PCDH7: variants seen among roughly 807,000 people sequenced by gnomAD.
The protein encoded by PCDH7 is protocadherin 7, also known as protocadherin-7.
In PCDH7, 17 loss-of-function variants were observed where a neutral mutation model predicts 58.9. The observed-to-expected ratio is 0.29, with a 90% CI of 0.20 to 0.43. PCDH7 has a LOEUF of 0.43. PCDH7 is among the 20% of genes least tolerant of loss of function. The pLI is 1.00. For synonymous variants in PCDH7, 664 were observed against 616.4 expected, an observed-to-expected ratio of 1.08 and a Z score of -1.14; for missense variants, 1,274 against 1,441.0, an observed-to-expected ratio of 0.88 and a Z score of 1.88.
intron 2 of PCDH7, among the ~76,000 whole-genome samples, chr4:30,929,529 G>A (rs1744300387): frequency 6.6e-6 from 1 of 151,810 alleles, no homozygotes; most frequent in Admixed American, 6.6e-5. Flanking sequence ...TGCCTCCTCT[G>A]GAACAGAGTT....
At chr4:30,855,151 C>T (rs1560438557) in intron 1 of PCDH7, among the ~76,000 whole-genome samples, 1 of 152,150 alleles carries the variant, frequency 6.6e-6, no homozygotes, top group Non-Finnish European at 1.5e-5. Flanking sequence ...GGAAGCCACA[C>T]ATTGGTGAAG....
chr4:30,819,566 T>A (rs1728110611), intron 1 of PCDH7, among the ~76,000 whole-genome samples: 1 of 152,184 alleles, frequency 6.6e-6, no homozygotes, highest in African/African-American at 2.4e-5. Flanking sequence ...ACAAATTAAA[T>A]GATTCATCTT....
At chr4:30,994,440 T>G (rs1239316936) in intron 3 of PCDH7, among the ~76,000 whole-genome samples, 1 of 152,224 alleles carries the variant, frequency 6.6e-6, no homozygotes, top group African/African-American at 2.4e-5. Flanking sequence ...CAAATTCATT[T>G]TATCTTCGTT....
chr4:30,746,768 G>A (rs1717832212), intron 1 of PCDH7, among the ~76,000 whole-genome samples: 1 of 152,052 alleles, frequency 6.6e-6, no homozygotes, highest in Non-Finnish European at 1.5e-5. Context: ...CTCTCACAAT[G>A]GTTATTTTAA....
At position 31,082,115 on chromosome 4, in the gene PCDH7, C is replaced by T. The variant is rs139320072; in HGVS notation, c.*8-60358C>T. ...TAAAAAATTTCTAACTGAAAGTACA[C>T]TTATGGAAGCTCAGAAAACAGGCAC... On this transcript the variant is annotated intron_variant, in intron 3 of 3. Transcript: ENST00000509759. Among the ~76,000 whole-genome samples, 1,346 of 152,250 alleles carry T rather than the reference C, an allele frequency of 8.8e-3. 8 individuals are homozygous for T. Among genetic ancestry groups the T allele is most frequent in the Admixed American group, 0.018 (271 of 15,290 alleles).
chr4:30,868,744 C>A (rs996351157), intron 1 of PCDH7, among the ~76,000 whole-genome samples: 1 of 151,938 alleles, frequency 6.6e-6, no homozygotes, highest in African/African-American at 2.4e-5. Flanking sequence ...GCAATTTGTT[C>A]TTTTACTGAA....
Position 30,721,039 on chromosome 4 carries a change from A to C in PCDH7, c.-384A>C. ...GGCCCCTTCCGACAGAGCGGGGACT[A>C]GAGCCGGGGATTCTCCGCCCGCTGA... On this transcript the variant is annotated 5_prime_UTR_variant, in exon 1 of 2. Coordinates refer to ENST00000361762, the Ensembl canonical transcript of PCDH7. The surrounding 1 kb of genome is among the most constrained non-coding windows in gnomAD (Gnocchi z 6.7). 4.8e-6 allele frequency: 1 copy of C among 208,630 alleles called. No individual in the cohort carries two copies. The highest frequency in any genetic ancestry group is 2.3e-5 in the African/African-American group (1 of 43,196). The allele number at this position is 208,630 out of a possible 1,614,324, so 12.9% of individuals were successfully genotyped here.
At chr4:30,985,509 C>T (rs1301652897) in intron 3 of PCDH7, among the ~76,000 whole-genome samples, 1 of 152,066 alleles carries the variant, frequency 6.6e-6, no homozygotes, top group Non-Finnish European at 1.5e-5. Context: ...TCAGTGGTGA[C>T]TATGCAGTCA....
chr4:30,868,519 C>G (rs1735155814), intron 1 of PCDH7, among the ~76,000 whole-genome samples: 1 of 152,018 alleles, frequency 6.6e-6, no homozygotes, highest in Non-Finnish European at 1.5e-5. Flanking sequence ...GATGTTTATT[C>G]AAAGACTTCT....
At chr4:31,061,425 C>A (rs1001888329) in intron 3 of PCDH7, among the ~76,000 whole-genome samples, 10 of 151,524 alleles carry the variant, frequency 6.6e-5, no homozygotes, top group Middle Eastern at 3.4e-3. Context: ...TAATTTTCTT[C>A]TAGAGAGTTA....
intron 3 of PCDH7, among the ~76,000 whole-genome samples, chr4:31,077,149 G>C (rs574221852): frequency 1.8e-4 from 27 of 152,034 alleles, no homozygotes; most frequent in Non-Finnish European, 2.9e-5. Flanking sequence ...AGTGGCTCAC[G>C]CCTGTAATCC....
At chr4:31,096,429 C>G (rs1194863245) in intron 3 of PCDH7, among the ~76,000 whole-genome samples, 3 of 152,022 alleles carry the variant, frequency 2.0e-5, no homozygotes, top group Admixed American at 2.0e-4. Flanking sequence ...TAAAGAAGAA[C>G]CTTCTTTTCA....
chr4:30,734,877 G>A (rs1031992612), downstream of PCDH7, among the ~76,000 whole-genome samples: 5 of 152,144 alleles, frequency 3.3e-5, no homozygotes, highest in African/African-American at 1.2e-4. Flanking sequence ...TCTCATAGTT[G>A]CTATTTTCTG....
At chr4:30,944,500 G>C (rs1185585804) in intron 2 of PCDH7, among the ~76,000 whole-genome samples, 1 of 152,014 alleles carries the variant, frequency 6.6e-6, no homozygotes, top group African/African-American at 2.4e-5. Flanking sequence ...TGTAAAGGAG[G>C]CTTGAAAACC....
chr4:30,951,849 C>A (rs1219403435), intron 3 of PCDH7, among the ~76,000 whole-genome samples: 1 of 152,170 alleles, frequency 6.6e-6, no homozygotes, highest in Non-Finnish European at 1.5e-5. Flanking sequence ...CCCAGGAAAG[C>A]AGTACTCTCG....
Position 31,013,731 on chromosome 4 carries a change from A to G in PCDH7, c.*7+63516A>G, listed in dbSNP as rs141633217. Among the ~76,000 whole-genome samples, 454 of 152,136 alleles carry G rather than the reference A, an allele frequency of 3.0e-3. 3 individuals are homozygous for G. Among genetic ancestry groups the G allele is most frequent in the Non-Finnish European group, 3.9e-3 (267 of 67,974 alleles). On this transcript the variant is annotated intron_variant, in intron 3 of 3. Coordinates refer to the PCDH7 transcript ENST00000509759. Reference sequence around the variant, plus strand: ...TTATGTGTTTACTGTATATTTTACAATTGTCTGTAATATAAGACAAGGGAG... The same window carrying G: ...TTATGTGTTTACTGTATATTTTACAGTTGTCTGTAATATAAGACAAGGGAG...
In PCDH7 at chr4:30,722,805, C is replaced by A. The variant is rs142083838; in HGVS notation, c.1383C>A (p.Thr461=). ...GCGAGAACGGGGTGGTCACCTGCAC[C>A]GTGGTGGGCGACGTGCCCTTCCAGC... Residue 461 remains threonine (T), a synonymous_variant, in exon 1 of 2, where the codon ACC becomes ACA. Coordinates refer to ENST00000361762, the Ensembl canonical transcript of PCDH7. The surrounding 1 kb of genome is among the most constrained non-coding windows in gnomAD (Gnocchi z 7.6). The A allele has an allele frequency of 2.0e-5, 32 of 1,613,638 alleles. No homozygotes were observed. The highest frequency in any genetic ancestry group is 8.8e-5 in the South Asian group (8 of 91,086).
Position 30,815,412 on chromosome 4 carries a change from G to A in PCDH7, c.70+90816G>A, listed in dbSNP as rs146229038. 1.3e-4 allele frequency among the ~76,000 whole-genome samples: 20 copies of A among 152,268 alleles called. No homozygotes were observed. The East Asian group carries it at 3.7e-3, about 28-fold the overall frequency. ...AAGGAAGTAAACTACACTTGGAAGA[G>A]GACCAAGCAGGCATCTTTAGATCCA... On this transcript the variant is annotated intron_variant, in intron 1 of 3. Transcript: ENST00000509759.
At chr4:30,950,848 G>T (rs972167154) in intron 3 of PCDH7, among the ~76,000 whole-genome samples, 1 of 152,178 alleles carries the variant, frequency 6.6e-6, no homozygotes, top group Non-Finnish European at 1.5e-5. Context: ...TTCAGTCCAA[G>T]ATATCCTTCA....
Sources: allele counts gnomAD v4.1 joint callset (sites outside exome capture counted in the v4.1 genomes callset), GRCh38; gene constraint gnomAD v4.1.1; non-coding constraint Gnocchi (gnomAD v3.1); transcripts MANE v1.5; gene names NCBI Gene and HGNC (gene_info 2026-07-23, HGNC 2026-07-21).